SLC25A20: variants seen among roughly 807,000 people sequenced by gnomAD.
SLC25A20 encodes solute carrier family 25 member 20, also known as mitochondrial carnitine/acylcarnitine carrier protein.
In SLC25A20, 29 loss-of-function variants were observed where a neutral mutation model predicts 39.7. The observed-to-expected ratio is 0.73, with a 90% CI of 0.54 to 1.00. The LOEUF is 1.00. Ranked by LOEUF, SLC25A20 falls within the 50% of genes least tolerant of loss-of-function variation. SLC25A20 has a pLI of 0.00. For synonymous variants in SLC25A20, 103 were observed against 142.2 expected, an observed-to-expected ratio of 0.72 and a Z score of 1.96; for missense variants, 333 against 379.9, an observed-to-expected ratio of 0.88 and a Z score of 1.03.
intron 2 of SLC25A20, among the ~76,000 whole-genome samples, chr3:48,887,389 C>T (rs1249260574): frequency 6.6e-6 from 1 of 152,172 alleles, no homozygotes; most frequent in African/African-American, 2.4e-5. Flanking sequence ...TCTTCAAAGA[C>T]TTGGGTTTAT....
At chr3:48,887,418 A>G (rs542454552) in intron 2 of SLC25A20, among the ~76,000 whole-genome samples, 5 of 152,266 alleles carry the variant, frequency 3.3e-5, no homozygotes, top group Admixed American at 3.3e-4. Flanking sequence ...TTCTCACCAC[A>G]ACTCCAGGAC....
rs1348632106 is a variant in SLC25A20, at chr3:48,856,962, A to C, written c.*748T>G. 6.6e-6 allele frequency: 1 copy of C among 152,240 alleles called. No individual in the cohort carries two copies. The highest frequency in any genetic ancestry group is 1.5e-5 in the Non-Finnish European group (1 of 68,068). 9.4% of individuals were successfully genotyped at this position (152,240 alleles called of 1,614,324 possible). On this transcript the variant is annotated 3_prime_UTR_variant, in exon 9 of 9. Transcript: ENST00000319017. ...ACAACGTTTATTGTTTATTGTTAAA[A>C]TAGTGAGCTCTCATGAGAAAAGAGT...
intron 1 of SLC25A20, chr3:48,895,739 C>T: frequency 2.2e-6 from 1 of 456,272 alleles, no homozygotes; most frequent in Admixed American, 2.4e-5. Flanking sequence ...ATAGAAATGC[C>T]CAGAGGCCAC....
At chr3:48,860,793 A>G (rs1221055175) in intron 5 of SLC25A20, among the ~76,000 whole-genome samples, 1 of 151,422 alleles carries the variant, frequency 6.6e-6, no homozygotes, top group Non-Finnish European at 1.5e-5. Flanking sequence ...GTCTCAAAAA[A>G]AAAAGAAAAA....
intron 1 of SLC25A20, among the ~76,000 whole-genome samples, chr3:48,894,428 C>T (rs1029307142): frequency 3.4e-5 from 5 of 148,176 alleles, no homozygotes; most frequent in Non-Finnish European, 6.0e-5. Context: ...ACCCAGGTAA[C>T]TTTTGCATTT....
At chr3:48,893,353 T>G (rs1388015770) in intron 1 of SLC25A20, among the ~76,000 whole-genome samples, 1 of 152,126 alleles carries the variant, frequency 6.6e-6, no homozygotes, top group African/African-American at 2.4e-5. Context: ...ACATGCTTAT[T>G]AGCCCATCTT....
chr3:48,858,504 C>A lies in SLC25A20; in HGVS notation c.843+3G>T. On this transcript the variant is annotated splice_donor_region_variant and intron_variant, in intron 8 of 8. Coordinates refer to ENST00000319017, the MANE Select transcript of SLC25A20 (RefSeq NM_000387.6). ...GGAAAGCACAGCCCTGCCAGCTACT[C>A]ACCGCATTGGCTGGGAAGGCTCGGA... The A allele has an allele frequency of 6.2e-7, 1 of 1,614,210 alleles. No individual in the cohort carries two copies. Among genetic ancestry groups the A allele is most frequent in the Non-Finnish European group, 8.5e-7 (1 of 1,180,040 alleles).
At chr3:48,880,193 A>G (rs1046492957) in intron 3 of SLC25A20, among the ~76,000 whole-genome samples, 2 of 152,158 alleles carry the variant, frequency 1.3e-5, no homozygotes, top group Non-Finnish European at 2.9e-5. Flanking sequence ...CTGAGTATAA[A>G]GAGCAGTCTG....
Position 48,898,813 on chromosome 3 carries a change from T to G in SLC25A20, c.-19A>C, listed in dbSNP as rs2083929719. 1.3e-6 allele frequency: 2 copies of G among 1,552,562 alleles called. No homozygotes were observed. The highest frequency in any genetic ancestry group is 3.9e-5 in the Admixed American group (2 of 51,272). On this transcript the variant is annotated 5_prime_UTR_variant, in exon 1 of 9. Transcript: ENST00000319017. ...CGGCCATGGTCAGTCCGTCTGTCAC[T>G]CCGTCTGTCAGTTCTCGGGCCGTCC...
chr3:48,890,509 T>C (rs2106664253), intron 2 of SLC25A20, among the ~76,000 whole-genome samples: 1 of 151,652 alleles, frequency 6.6e-6, no homozygotes, highest in Middle Eastern at 3.4e-3. Context: ...TATAAGTGCA[T>C]AGAGGAAAAT....
chr3:48,889,769 T>C (rs2083859758), intron 2 of SLC25A20, among the ~76,000 whole-genome samples: 1 of 152,340 alleles, frequency 6.6e-6, no homozygotes, highest in East Asian at 1.9e-4. Flanking sequence ...GATATAGAGA[T>C]GATCATGGAC....
intron 4 of SLC25A20, among the ~76,000 whole-genome samples, chr3:48,873,840 G>C (rs374987539): frequency 1.3e-5 from 2 of 151,330 alleles, no homozygotes; most frequent in African/African-American, 4.9e-5. Context: ...ACGGTGGCAG[G>C]CGCCTGTAGT....
At chr3:48,882,181 T>C (rs1228407513) in intron 3 of SLC25A20, among the ~76,000 whole-genome samples, 1 of 152,216 alleles carries the variant, frequency 6.6e-6, no homozygotes, top group Admixed American at 6.5e-5. Context: ...AGAATTTCCC[T>C]GCCTCCTGAG....
At chr3:48,865,694 A>G (rs867826989) in intron 4 of SLC25A20, among the ~76,000 whole-genome samples, 5 of 147,886 alleles carry the variant, frequency 3.4e-5, no homozygotes, top group African/African-American at 1.0e-4. Flanking sequence ...ACTTGAACCC[A>G]GGAGGCCTGG....
At chr3:48,897,153 A>T (rs754094527) in intron 1 of SLC25A20, among the ~76,000 whole-genome samples, 1 of 145,114 alleles carries the variant, frequency 6.9e-6, no homozygotes. Flanking sequence ...CACCCAGCTC[A>T]CTAAGGCCAA....
chr3:48,874,634 C>T (rs1437284282), intron 4 of SLC25A20, among the ~76,000 whole-genome samples: 3 of 152,128 alleles, frequency 2.0e-5, no homozygotes, highest in Non-Finnish European at 2.9e-5. Context: ...CTAAAAACAA[C>T]ACAGATGCTG....
At chr3:48,886,945 C>A (rs2083834041) in intron 2 of SLC25A20, among the ~76,000 whole-genome samples, 1 of 152,230 alleles carries the variant, frequency 6.6e-6, no homozygotes, top group Admixed American at 6.5e-5. Context: ...TGCCTCACTG[C>A]AGACCCTGGG....
chr3:48,895,924 G>C (rs1345625992), intron 1 of SLC25A20: 2 of 356,846 alleles, frequency 5.6e-6, no homozygotes, highest in African/African-American at 4.3e-5. Flanking sequence ...AGGATCACTT[G>C]AGGCCACGAG....
chr3:48,872,726 G>T (rs1253330655), intron 4 of SLC25A20, among the ~76,000 whole-genome samples: 1 of 151,288 alleles, frequency 6.6e-6, no homozygotes, highest in Non-Finnish European at 1.5e-5. Context: ...AGCTGTTTTT[G>T]GTGGCACATG....
Sources: allele counts gnomAD v4.1 joint callset (sites outside exome capture counted in the v4.1 genomes callset), GRCh38; gene constraint gnomAD v4.1.1; transcripts MANE v1.5; gene names NCBI Gene and HGNC (gene_info 2026-07-23, HGNC 2026-07-21).